NT5C1B: variants seen among roughly 807,000 people sequenced by gnomAD.
NT5C1B encodes the protein 5'-nucleotidase, cytosolic IB, also known as cytosolic 5'-nucleotidase 1B.
Under a neutral mutation model 57.8 loss-of-function variants are expected in NT5C1B, and 44 were observed. The ratio of observed to expected loss-of-function variants is 0.76; its 90% CI spans 0.60 to 0.98. NT5C1B has a LOEUF of 0.98. NT5C1B is among the 50% of genes least tolerant of loss of function. The pLI, the probability that NT5C1B is intolerant of heterozygous loss-of-function variation, is 0.00. For synonymous variants in NT5C1B, 284 were observed against 282.6 expected, an observed-to-expected ratio of 1.00 and a Z score of -0.05; for missense variants, 742 against 719.5, an observed-to-expected ratio of 1.03 and a Z score of -0.36.
At position 18,584,953 on chromosome 2, in the gene NT5C1B, C is replaced by T; in HGVS notation, c.284G>A (p.Arg95Gln). Residue 95 changes from arginine to glutamine, a missense_variant, in exon 4 of 9, where the codon CGG (arginine) becomes CAG (glutamine). Arg to Gln is a conservative substitution (Grantham distance 43). Transcript: ENST00000304081. The surrounding 1 kb of genome is among the most constrained non-coding windows in gnomAD (Gnocchi z 5.8). ...CAGGCTTGGGGAGGTGGATGGAGTC[C>T]GGGAGCTCGTGGAGCTGCTGGGGAG... 12 of 1,539,850 alleles carry T rather than the reference C, an allele frequency of 7.8e-6. No homozygotes were observed. The highest frequency in any genetic ancestry group is 1.0e-5 in the Non-Finnish European group (12 of 1,150,350).
Position 18,580,461 on chromosome 2 carries a change from C to T in NT5C1B, c.1021+2407G>A, listed in dbSNP as rs534078161. 9.2e-4 allele frequency among the ~76,000 whole-genome samples: 140 copies of T among 152,094 alleles called. 2 individuals carry two copies. The highest frequency in any genetic ancestry group is 3.3e-3 in the African/African-American group (135 of 41,510). ...AAACCCTGTCTCTACTAAAAAAATA[C>T]AAAATTAGTCGGGCGTGGTGGCACA... On this transcript the variant is annotated intron_variant, in intron 6 of 8. Transcript: ENST00000304081.
intron 3 of NT5C1B, 48 bp downstream of exon 3, chr2:18,586,206 A>G (rs1239516055): frequency 2.5e-6 from 4 of 1,597,104 alleles, no homozygotes; most frequent in Non-Finnish European, 3.4e-6. Flanking sequence ...AATGTTAACC[A>G]TTGTTATTAT....
At chr2:18,587,244 C>G in intron 2 of NT5C1B, 11 of 1,529,066 alleles carry the variant, frequency 7.2e-6, no homozygotes, top group Non-Finnish European at 9.7e-6. Context: ...GAACAAAGAC[C>G]AGTCTCCCCC....
At chr2:18,583,397 G>T in intron 5 of NT5C1B, 1 of 181,186 alleles carries the variant, frequency 5.5e-6, no homozygotes, top group Non-Finnish European at 1.2e-5. Context: ...GAATCTGCAT[G>T]TCATCTTGCC....
At chr2:18,565,830 T>G (rs1295995955) in intron 8 of NT5C1B, among the ~76,000 whole-genome samples, 2 of 152,128 alleles carry the variant, frequency 1.3e-5, no homozygotes, top group African/African-American at 4.8e-5. Flanking sequence ...TCCCCCAACA[T>G]GATTTTAAAG....
In NT5C1B at chr2:18,587,053, G is replaced by A. The variant is rs113913452; in HGVS notation, c.120+450C>T. 113 of 1,613,988 alleles carry A rather than the reference G, an allele frequency of 7.0e-5. No individual in the cohort carries two copies. Among genetic ancestry groups the A allele is most frequent in the Middle Eastern group, 4.9e-4 (3 of 6,082 alleles). ...AACAGGCACATGTGAATATAAATAC[G>A]TATTGTGTGGCAGGGGCCAAGGGCT... On this transcript the variant is annotated intron_variant, in intron 2 of 8. Coordinates refer to ENST00000304081, the Ensembl canonical transcript of NT5C1B.
Position 18,582,278 on chromosome 2 carries a change from C to A in NT5C1B, c.1021+590G>T, listed in dbSNP as rs538005499. Among the ~76,000 whole-genome samples the A allele has an allele frequency of 1.5e-4, 23 of 152,172 alleles. No homozygotes were observed. The South Asian group carries it at 3.1e-3, about 21-fold the overall frequency. Reference sequence around the variant, plus strand: ...TAAATGTTATTTTAACTTCACATACCCATTTAGAAAATAGGCTAATTGTGC... The same window carrying A: ...TAAATGTTATTTTAACTTCACATACACATTTAGAAAATAGGCTAATTGTGC... On this transcript the variant is annotated intron_variant, in intron 6 of 8. Transcript: ENST00000304081.
exon 3 of NT5C1B, chr2:18,586,374 T>C (rs1271240792): frequency 6.2e-7 from 1 of 1,614,008 alleles, no homozygotes; most frequent in South Asian, 1.1e-5. Context: ...TCTTCCGCAG[T>C]GATGATTCTT....
intron 8 of NT5C1B, among the ~76,000 whole-genome samples, chr2:18,567,805 A>G (rs1179470953): frequency 6.6e-6 from 1 of 152,234 alleles, no homozygotes; most frequent in Non-Finnish European, 1.5e-5. Context: ...TGTCACAAAT[A>G]TAACAGAGGG....
At chr2:18,567,287 A>G (rs535585900) in intron 8 of NT5C1B, among the ~76,000 whole-genome samples, 2 of 152,292 alleles carry the variant, frequency 1.3e-5, no homozygotes, top group East Asian at 3.9e-4. Flanking sequence ...CTGCTAGAAG[A>G]GCTTCAAACA....
chr2:18,576,757 A>G lies in NT5C1B; in HGVS notation c.1144+16T>C. ...AAACCTCTTTATTAACTAGAGGAAT[A>G]AAATCAGACTAATACCTTCTTGTAT... On this transcript the variant is annotated intron_variant, in intron 7 of 8. Transcript: ENST00000304081. 1 of 1,612,218 alleles carries G rather than the reference A, an allele frequency of 6.2e-7. No homozygotes were observed. The highest frequency in any genetic ancestry group is 8.5e-7 in the Non-Finnish European group (1 of 1,179,422).
Position 18,584,730 on chromosome 2 carries a change from G to C in NT5C1B, c.507C>G (p.Asp169Glu). 6.2e-7 allele frequency: 1 copy of C among 1,613,346 alleles called. No individual in the cohort carries two copies. The highest frequency in any genetic ancestry group is 8.5e-7 in the Non-Finnish European group (1 of 1,179,606). Residue 169 changes from aspartate to glutamate, a missense_variant, in exon 4 of 9, where the codon GAC (aspartate) becomes GAG (glutamate). Coordinates refer to ENST00000304081, the Ensembl canonical transcript of NT5C1B. The surrounding 1 kb of genome is among the most constrained non-coding windows in gnomAD (Gnocchi z 5.8). ...TGCGCGAATATTCCAGCGGCTGCGA[G>C]TCCCGGGTCTGGCGGATTTCCCGCA... is the stretch of plus-strand genomic sequence containing the variant.
chr2:18,577,099 T>C (rs1376704521), intron 6 of NT5C1B, among the ~76,000 whole-genome samples: 3 of 152,194 alleles, frequency 2.0e-5, no homozygotes, highest in Admixed American at 6.5e-5. Context: ...AACTATTTTA[T>C]GTAATAGTGG....
At chr2:18,576,465 C>G in intron 7 of NT5C1B, 97 bp from the exon 8 acceptor site, 1 of 1,448,822 alleles carries the variant, frequency 6.9e-7, no homozygotes, top group Non-Finnish European at 9.1e-7. Flanking sequence ...CTTATGTTTT[C>G]TCTCTAGCTA....
Position 18,576,183 on chromosome 2 carries a change from C to G in NT5C1B, c.1329+1G>C. 3 of 1,607,054 alleles carry G rather than the reference C, an allele frequency of 1.9e-6. No homozygotes were observed. The highest frequency in any genetic ancestry group is 2.5e-6 in the Non-Finnish European group (3 of 1,178,226). ...AATTAATTAGCACTCATTGAACCTA[C>G]CTGAGCAAGAGGCTTACTTTCACAT... On this transcript the variant is annotated splice_donor_variant, in intron 8 of 8. Coordinates refer to ENST00000304081, the Ensembl canonical transcript of NT5C1B. LOFTEE classifies it high-confidence loss of function.
In NT5C1B at chr2:18,584,914, G is replaced by C; in HGVS notation, c.323C>G (p.Pro108Arg). Residue 108 changes from proline (P) to arginine (R), a missense_variant, in exon 4 of 9, where the codon CCG (proline) becomes CGG (arginine). By Grantham distance (103) the Pro-to-Arg change is moderately radical (BLOSUM62 -2). Transcript: ENST00000304081. This position sits in a 1 kb window ranked among gnomAD's most constrained non-coding sequence, Gnocchi z 5.8. ...CGAGGGCTGCCCGGACAGCGGCGGC[G>C]GTGAGGAGTCATGCAGGCTTGGGGA... 1 of 1,551,260 alleles carries C rather than the reference G, an allele frequency of 6.4e-7. No homozygotes were observed. Among genetic ancestry groups the C allele is most frequent in the Non-Finnish European group, 8.7e-7 (1 of 1,155,246 alleles).
chr2:18,576,794 C>A (rs1243050438), exon 7 of NT5C1B: 1 of 1,613,798 alleles, frequency 6.2e-7, no homozygotes, highest in Non-Finnish European at 8.5e-7. Context: ...GCCTCTTGCA[C>A]TTTTTCAGAA....
chr2:18,582,721 G>A (rs1298966322), intron 6 of NT5C1B, 147 bp downstream of exon 6: 1 of 1,248,560 alleles, frequency 8.0e-7, no homozygotes, highest in African/African-American at 1.5e-5. Flanking sequence ...CTCTTGTTCT[G>A]ACATAGGCAA....
intron 6 of NT5C1B, 114 bp from the exon 7 acceptor site, chr2:18,577,009 T>G: frequency 6.5e-7 from 1 of 1,534,234 alleles, no homozygotes; most frequent in Non-Finnish European, 8.7e-7. Context: ...TCAACTGGCT[T>G]TATTTGTGAA....
Sources: gnomAD v4.1 joint callset for allele counts (sites outside exome capture counted in the v4.1 genomes callset) on GRCh38, gnomAD v4.1.1 for gene constraint, Gnocchi (gnomAD v3.1) non-coding constraint, MANE v1.5 for transcripts, NCBI Gene and HGNC (gene_info 2026-07-23, HGNC 2026-07-21) for gene names.